The following GUCY1B1 variants were observed in gnomAD, a reference collection of about 807,000 sequenced individuals.
GUCY1B1 encodes the protein guanylate cyclase 1 soluble subunit beta 1, also known as guanylate cyclase soluble subunit beta-1.
A neutral mutation model predicts 71.0 loss-of-function variants in GUCY1B1; 43 were observed. The observed-to-expected ratio is 0.61, with a 90% CI of 0.47 to 0.78. GUCY1B1 has a LOEUF of 0.78. Ranked by LOEUF, GUCY1B1 falls within the 30% of genes least tolerant of loss-of-function variation. The probability of loss-of-function intolerance (pLI) is 0.00; values close to 1 mark genes in which losing one functional copy is unlikely to be tolerated. For synonymous variants in GUCY1B1, 266 were observed against 259.7 expected, an observed-to-expected ratio of 1.02 and a Z score of -0.23; for missense variants, 535 against 754.1, an observed-to-expected ratio of 0.71 and a Z score of 3.40.
At chr4:155,776,429 A>G (rs4622952) in intron 3 of GUCY1B1, among the ~76,000 whole-genome samples, 85,019 of 151,916 alleles carry the variant, frequency 0.56, 24,478 homozygotes, top group Middle Eastern at 0.76. Context: ...CAGCACTTTG[A>G]GAGGCCGAGG....
intron 2 of GUCY1B1, among the ~76,000 whole-genome samples, chr4:155,764,898 A>G (rs1248809839): frequency 6.6e-6 from 1 of 152,190 alleles, no homozygotes; most frequent in African/African-American, 2.4e-5. Context: ...AAGGCGGGTC[A>G]TCACATGATC....
chr4:155,768,356 A>T (rs1737476633), intron 2 of GUCY1B1, among the ~76,000 whole-genome samples: 1 of 152,090 alleles, frequency 6.6e-6, no homozygotes, highest in South Asian at 2.1e-4. Flanking sequence ...GATATTTTGG[A>T]CAAATTGTAT....
Position 155,802,353 on chromosome 4 carries a change from C to G in GUCY1B1, c.1187C>G (p.Ser396Cys). The change falls in exon 10 of 14, where the codon TCT (serine) becomes TGT (cysteine). Residue 396 changes from serine to cysteine, a missense_variant. Physicochemically the swap from Ser to Cys is moderately radical, Grantham distance 112. Coordinates refer to ENST00000264424, the MANE Select transcript of GUCY1B1 (RefSeq NM_000857.5). The surrounding 1 kb of genome is among the most constrained non-coding windows in gnomAD (Gnocchi z 4.3). ...EKKKTDTLLY[S>C]VLPPSVANEL... ...ATCCCACTGAACAGATTGCTGTATTCTGTCCTTCCTCCGTCTGTTGCCAAT... is the reference window on the plus strand; with the variant it reads ...ATCCCACTGAACAGATTGCTGTATTGTGTCCTTCCTCCGTCTGTTGCCAAT... 1 of 1,613,784 alleles carries G rather than the reference C, an allele frequency of 6.2e-7. No individual in the cohort carries two copies. Among genetic ancestry groups the G allele is most frequent in the African/African-American group, 1.3e-5 (1 of 75,016 alleles).
At chr4:155,768,626 G>GA (rs571454306) in intron 2 of GUCY1B1, among the ~76,000 whole-genome samples, 111 of 151,610 alleles carry the variant, frequency 7.3e-4, no homozygotes, top group Non-Finnish European at 1.2e-3. Context: ...TTACATTAAA[G>GA]AAAAAAATCC....
chr4:155,782,180 A>C (rs565814337), intron 4 of GUCY1B1, among the ~76,000 whole-genome samples: 5 of 152,222 alleles, frequency 3.3e-5, no homozygotes, highest in African/African-American at 7.2e-5. Context: ...GGTTCACGCC[A>C]TTCTACTGCC....
chr4:155,760,685 T>C (rs1317948864), intron 2 of GUCY1B1, among the ~76,000 whole-genome samples: 1 of 152,198 alleles, frequency 6.6e-6, no homozygotes, highest in Non-Finnish European at 1.5e-5. Context: ...ATTTAACTTA[T>C]GGTACAGCTG....
chr4:155,807,289 G>A lies in GUCY1B1; in HGVS notation c.*880G>A, dbSNP rs1356247468. 2.0e-5 allele frequency: 3 copies of A among 152,140 alleles called. No individual in the cohort carries two copies. The highest frequency in any genetic ancestry group is 7.2e-5 in the African/African-American group (3 of 41,450). 9.4% of individuals were successfully genotyped at this position (152,140 alleles called of 1,614,324 possible). A position where few individuals can be genotyped will look rare whatever the true frequency, so the allele number is the denominator to read the frequency against. On this transcript the variant is annotated 3_prime_UTR_variant, in exon 14 of 14. Coordinates refer to ENST00000264424, the MANE Select transcript of GUCY1B1 (RefSeq NM_000857.5). ...TGCTGTTAGAGCCCTTCTTGGCCTT[G>A]TATTCCCAGAAATGAGCTCCCTTTC...
intron 2 of GUCY1B1, among the ~76,000 whole-genome samples, chr4:155,766,620 G>T (rs1297058192): frequency 6.6e-6 from 1 of 152,134 alleles, no homozygotes; most frequent in African/African-American, 2.4e-5. Context: ...ATTCCTTTTG[G>T]AAGTGTCAGA....
At chr4:155,769,423 C>A (rs1737553606) in intron 2 of GUCY1B1, among the ~76,000 whole-genome samples, 1 of 152,022 alleles carries the variant, frequency 6.6e-6, no homozygotes, top group Non-Finnish European at 1.5e-5. Flanking sequence ...GTCTGCTGAC[C>A]TCTTTCATTG....
chr4:155,806,047 C>G (rs1463939172), intron 13 of GUCY1B1, among the ~76,000 whole-genome samples: 1 of 152,154 alleles, frequency 6.6e-6, no homozygotes, highest in Non-Finnish European at 1.5e-5. Context: ...TGTATAAACT[C>G]TCTAAAGATG....
chr4:155,762,763 CAATATAACTATTAAAAATATAACCACTT>C (rs1737080488), intron 2 of GUCY1B1, among the ~76,000 whole-genome samples: 1 of 152,122 alleles, frequency 6.6e-6, no homozygotes, highest in African/African-American at 2.4e-5. Flanking sequence ...ATGTAGGAAT[CAATATAACTATTAAAAATATAACCACTT>C]AAAAATATTA....
intron 2 of GUCY1B1, 95 bp downstream of exon 2, chr4:155,759,955 G>C: frequency 1.1e-6 from 1 of 876,546 alleles, no homozygotes. Context: ...TGGCCGGGTC[G>C]CGGGCGCGCA....
At chr4:155,783,178 G>A (rs1017378954) in intron 4 of GUCY1B1, among the ~76,000 whole-genome samples, 2 of 152,156 alleles carry the variant, frequency 1.3e-5, no homozygotes, top group African/African-American at 4.8e-5. Context: ...TGTACAATGA[G>A]TCAAGAGCTT....
chr4:155,805,354 G>A, intron 13 of GUCY1B1, 125 bp downstream of exon 13: 1 of 782,486 alleles, frequency 1.3e-6, no homozygotes, highest in Non-Finnish European at 2.0e-6. Flanking sequence ...TAACTTCTAA[G>A]TAAAGCAGTG....
chr4:155,759,685 G>A (rs1392782585), intron 1 of GUCY1B1, 102 bp from the exon 2 acceptor site: 9 of 790,928 alleles, frequency 1.1e-5, no homozygotes, highest in Non-Finnish European at 1.9e-5. Context: ...CGGGGTGAAA[G>A]GTTAAGCCAG....
At chr4:155,803,570 A>T in intron 10 of GUCY1B1, 54 bp from the exon 11 acceptor site, 1 of 1,278,268 alleles carries the variant, frequency 7.8e-7, no homozygotes, top group Middle Eastern at 2.0e-4. Context: ...AGGGTAATAA[A>T]TGAAACAGTC....
rs551167006 is a variant in GUCY1B1 at position 155,788,074 on chromosome 4, C to T, written c.298-1640C>T. ...TTTTTATTGCTACCATAACAAATGA[C>T]CACAAACTTAAGTGCTTAACACAAA... On this transcript the variant is annotated intron_variant, in intron 4 of 13. Transcript: ENST00000264424. Among the ~76,000 whole-genome samples, 3 of 152,226 alleles carry T rather than the reference C, an allele frequency of 2.0e-5. No individual in the cohort carries two copies. The East Asian group carries it at 5.8e-4, about 29-fold the overall frequency.
At chr4:155,761,638 T>C (rs1737004709) in intron 2 of GUCY1B1, among the ~76,000 whole-genome samples, 2 of 152,232 alleles carry the variant, frequency 1.3e-5, no homozygotes, top group South Asian at 4.1e-4. Context: ...TTGTTTATAT[T>C]GCTTATATTT....
intron 4 of GUCY1B1, among the ~76,000 whole-genome samples, chr4:155,782,370 T>C (rs1738493712): frequency 6.6e-6 from 1 of 152,216 alleles, no homozygotes; most frequent in Admixed American, 6.5e-5. Flanking sequence ...ATTACAGGCA[T>C]GGGCCAGAGC....
Sources: gnomAD v4.1 joint callset for allele counts (sites outside exome capture counted in the v4.1 genomes callset) on GRCh38, gnomAD v4.1.1 for gene constraint, Gnocchi (gnomAD v3.1) non-coding constraint, MANE v1.5 for transcripts, NCBI Gene and HGNC (gene_info 2026-07-23, HGNC 2026-07-21) for gene names.